TMEM132D: variants seen among roughly 807,000 people sequenced by gnomAD.
TMEM132D encodes mature OL transmembrane protein.
Under a neutral mutation model 62.3 loss-of-function variants are expected in TMEM132D, and 21 were observed. The ratio of observed to expected loss-of-function variants is 0.34; its 90% CI spans 0.24 to 0.49. The LOEUF is 0.49. TMEM132D is among the 20% of genes least tolerant of loss of function. The pLI, the probability that TMEM132D is intolerant of heterozygous loss-of-function variation, is 0.99. For missense variants in TMEM132D, 1,346 were observed against 1,402.8 expected (o/e 0.96, Z 0.65); for synonymous variants, 621 against 575.6 (o/e 1.08, Z -1.13).
chr12:129,835,626 G>A (rs1041160865), intron 1 of TMEM132D, among the ~76,000 whole-genome samples: 1 of 152,154 alleles, frequency 6.6e-6, no homozygotes, highest in African/African-American at 2.4e-5. Flanking sequence ...GCGCAAAAAA[G>A]ACTGTAATAT....
intron 3 of TMEM132D, among the ~76,000 whole-genome samples, chr12:129,505,495 G>A (rs940612069): frequency 4.6e-5 from 7 of 152,078 alleles, no homozygotes; most frequent in Middle Eastern, 3.2e-3. Flanking sequence ...CGCCCACCTC[G>A]GCCTCCCACG....
intron 1 of TMEM132D, among the ~76,000 whole-genome samples, chr12:129,725,947 G>T (rs1042814958): frequency 6.6e-6 from 1 of 152,194 alleles, no homozygotes; most frequent in Non-Finnish European, 1.5e-5. Context: ...CTATGCAGAC[G>T]CAGGTCCAGA....
chr12:129,157,154 C>G (rs1466907361), intron 5 of TMEM132D, among the ~76,000 whole-genome samples: 2 of 152,216 alleles, frequency 1.3e-5, no homozygotes, highest in African/African-American at 2.4e-5. Flanking sequence ...ATAACTCACT[C>G]ACTCCCATCA....
intron 4 of TMEM132D, among the ~76,000 whole-genome samples, chr12:129,335,129 T>TTC (rs1379331826): frequency 7.3e-6 from 1 of 136,204 alleles, no homozygotes; most frequent in East Asian, 2.1e-4. Flanking sequence ...AATAAGTACT[T>TTC]TTTTTTTTTT....
chr12:129,250,390 A>T (rs969042518), intron 4 of TMEM132D, among the ~76,000 whole-genome samples: 2 of 152,336 alleles, frequency 1.3e-5, no homozygotes, highest in African/African-American at 4.8e-5. Context: ...TATTCCTGGA[A>T]ATTCTTCTTT....
At chr12:129,328,355 G>A (rs1178495897) in intron 4 of TMEM132D, among the ~76,000 whole-genome samples, 1 of 152,194 alleles carries the variant, frequency 6.6e-6, no homozygotes, top group African/African-American at 2.4e-5. Context: ...AATGGACTGT[G>A]CTTCTGCGGT....
At chr12:129,337,385 A>G (rs1869316359) in intron 4 of TMEM132D, among the ~76,000 whole-genome samples, 1 of 152,096 alleles carries the variant, frequency 6.6e-6, no homozygotes, top group South Asian at 2.1e-4. Context: ...TTTTCTAAAT[A>G]ATACGTTAAG....
intron 4 of TMEM132D, among the ~76,000 whole-genome samples, chr12:129,252,610 G>A (rs150993499): frequency 0.017 from 2,606 of 152,228 alleles, 70 homozygotes; most frequent in African/African-American, 0.056. Flanking sequence ...AAACTAGTTC[G>A]ACCATTGTGG....
intron 3 of TMEM132D, among the ~76,000 whole-genome samples, chr12:129,348,132 T>A (rs1869744415): frequency 6.6e-6 from 1 of 152,180 alleles, no homozygotes; most frequent in African/African-American, 2.4e-5. Flanking sequence ...TTAACCATAG[T>A]GGAAGACAGT....
chr12:129,885,855 ACT>A (rs750102343), intron 1 of TMEM132D, among the ~76,000 whole-genome samples: 10 of 151,538 alleles, frequency 6.6e-5, no homozygotes, highest in Non-Finnish European at 1.0e-4. Context: ...CCCATGAAAA[ACT>A]CTTCACTAAT....
rs375620383 is a variant in TMEM132D at position 129,209,594 on chromosome 12, C to T, written c.1369G>A (p.Val457Met). ...TCTGTCACTGTGCCGTCGTCCTCCA[C>T]GGAGACCACTTTCACCGGGACGGCC... is the stretch of plus-strand genomic sequence containing the variant. ...TVAVPVKVVS[V>M]EDDGTVTELL... is the part of the protein sequence containing the mutation. The change falls in exon 5 of 9, where the codon GTG (valine) becomes ATG (methionine). Residue 457 changes from valine (V) to methionine (M), a missense_variant. Transcript: ENST00000422113. The T allele has an allele frequency of 5.1e-5, 83 of 1,614,102 alleles. No homozygotes were observed. The highest frequency in any genetic ancestry group is 6.7e-5 in the Admixed American group (4 of 60,012).
rs541365542 is a variant in TMEM132D, at chr12:129,391,788, G to A, written c.1116-53971C>T. On this transcript the variant is annotated intron_variant, in intron 3 of 8. Transcript: ENST00000422113. ...TTTTATTTTTTTTAGATAGAGTCTC[G>A]TTCTGTTGTCCAGGCTGGAGTGCAG... Among the ~76,000 whole-genome samples, 10 of 152,194 alleles carry A rather than the reference G, an allele frequency of 6.6e-5. No homozygotes were observed. The East Asian group carries it at 7.7e-4, about 12-fold the overall frequency.
intron 4 of TMEM132D, among the ~76,000 whole-genome samples, chr12:129,276,761 T>G (rs1464042170): frequency 6.6e-6 from 1 of 152,238 alleles, no homozygotes; most frequent in East Asian, 1.9e-4. Context: ...CCTCGTTTCC[T>G]GCAAACTTTT....
chr12:129,094,182 G>C (rs1181367270), intron 5 of TMEM132D, among the ~76,000 whole-genome samples: 1 of 151,962 alleles, frequency 6.6e-6, no homozygotes, highest in African/African-American at 2.4e-5. Context: ...TTGACAAATG[G>C]AATCTAATTA....
chr12:129,572,677 G>A (rs953036962), intron 2 of TMEM132D, among the ~76,000 whole-genome samples: 5 of 152,104 alleles, frequency 3.3e-5, no homozygotes, highest in Non-Finnish European at 7.4e-5. Context: ...TTGAACTCCT[G>A]ACCTCAGATG....
At chr12:129,498,487 C>T (rs1875030539) in intron 3 of TMEM132D, among the ~76,000 whole-genome samples, 1 of 152,162 alleles carries the variant, frequency 6.6e-6, no homozygotes, top group Non-Finnish European at 1.5e-5. Flanking sequence ...CTCCTGGCCT[C>T]AAGTGATCCA....
chr12:129,651,065 G>T (rs564396698), intron 2 of TMEM132D, among the ~76,000 whole-genome samples: 6 of 152,070 alleles, frequency 3.9e-5, no homozygotes. Flanking sequence ...TATCAATCCC[G>T]GGTAATGAAT....
At chr12:129,308,089 C>T (rs1264336384) in intron 4 of TMEM132D, among the ~76,000 whole-genome samples, 2 of 152,154 alleles carry the variant, frequency 1.3e-5, no homozygotes, top group Non-Finnish European at 2.9e-5. Flanking sequence ...TTGCCTGACA[C>T]CTCTTTAGTT....
rs183622501 is a variant in TMEM132D at position 129,876,840 on chromosome 12, G to A, written c.79+26421C>T. On this transcript the variant is annotated intron_variant, in intron 1 of 8. Transcript: ENST00000422113. ...TACTGGAATTAGGTCAGGTATTAAC[G>A]CCTGACTCAATCACTGTAGCCAAGT... is the stretch of plus-strand genomic sequence containing the variant. Among the ~76,000 whole-genome samples, 365 of 152,216 alleles carry A rather than the reference G, an allele frequency of 2.4e-3. 2 individuals carry two copies. The highest frequency in any genetic ancestry group is 4.3e-3 in the Non-Finnish European group (290 of 68,012).
Sources: allele counts gnomAD v4.1 joint callset (sites outside exome capture counted in the v4.1 genomes callset), GRCh38; gene constraint gnomAD v4.1.1; transcripts MANE v1.5; gene names NCBI Gene and HGNC (gene_info 2026-07-23, HGNC 2026-07-21).